Variants in EDEM2 observed in about 807,000 individuals in gnomAD.
The protein encoded by EDEM2 is ER degradation enhancing alpha-mannosidase like protein 2.
A neutral mutation model predicts 64.8 loss-of-function variants in EDEM2; 39 were observed. The observed-to-expected ratio is 0.60, with a 90% CI of 0.47 to 0.79. The LOEUF (loss-of-function observed/expected upper bound fraction) is 0.79. Ranked by LOEUF, EDEM2 falls within the 30% of genes least tolerant of loss-of-function variation. The pLI, the probability that EDEM2 is intolerant of heterozygous loss-of-function variation, is 0.00. For synonymous variants in EDEM2, 296 were observed against 291.5 expected (o/e 1.02, Z -0.16); for missense variants, 609 against 731.3 (o/e 0.83, Z 1.93).
At chr20:35,143,832 C>G (rs1039361811) in intron 3 of EDEM2, among the ~76,000 whole-genome samples, 3 of 152,170 alleles carry the variant, frequency 2.0e-5, no homozygotes, top group Non-Finnish European at 2.9e-5. Context: ...TGTTGGCCTC[C>G]CAAAGTGCTG....
In EDEM2 at chr20:35,118,722, G is replaced by A. The variant is rs1389933121; in HGVS notation, c.1115-3C>T. The A allele has an allele frequency of 1.2e-6, 2 of 1,611,892 alleles. No individual in the cohort carries two copies. The highest frequency in any genetic ancestry group is 4.5e-5 in the East Asian group (2 of 44,876). ...GTACATTGCGCTTTCAATAAGTTCT[G>A]CAAAGTCCAAAGCAGACCCTCCTCA... On this transcript the variant is annotated splice_polypyrimidine_tract_variant and splice_region_variant and intron_variant, in intron 9 of 10. Coordinates refer to ENST00000374492, the MANE Select transcript of EDEM2 (RefSeq NM_018217.3).
intron 2 of EDEM2, 52 bp downstream of exon 2, chr20:35,146,773 G>A (rs1452655797): frequency 5.0e-6 from 8 of 1,587,852 alleles, no homozygotes; most frequent in African/African-American, 4.0e-5. Context: ...CCCGCCCGCC[G>A]AGGCCCAGAG....
intron 4 of EDEM2, among the ~76,000 whole-genome samples, chr20:35,140,584 A>AC (rs777237963): frequency 6.6e-5 from 10 of 152,342 alleles, no homozygotes; most frequent in Middle Eastern, 3.4e-3. Flanking sequence ...AATAACTAAA[A>AC]TATATAACTG....
intron 7 of EDEM2, among the ~76,000 whole-genome samples, chr20:35,129,640 G>A (rs951626603): frequency 6.6e-6 from 1 of 151,898 alleles, no homozygotes; most frequent in Non-Finnish European, 1.5e-5. Flanking sequence ...TAGCCTAAGT[G>A]TACAGTATTT....
intron 3 of EDEM2, among the ~76,000 whole-genome samples, chr20:35,144,736 T>A (rs2085705145): frequency 6.6e-6 from 1 of 152,206 alleles, no homozygotes; most frequent in African/African-American, 2.4e-5. Context: ...TGCAAGCCTA[T>A]CACAATTCTC....
chr20:35,119,182 A>AT (rs926980315), intron 9 of EDEM2, among the ~76,000 whole-genome samples: 9 of 152,192 alleles, frequency 5.9e-5, no homozygotes, highest in Middle Eastern at 3.4e-3. Flanking sequence ...TTAAGCTACT[A>AT]TTTTTTTTCC....
chr20:35,138,112 A>C, intron 4 of EDEM2, 107 bp from the exon 5 acceptor site: 1 of 1,437,996 alleles, frequency 7.0e-7, no homozygotes, highest in Non-Finnish European at 9.4e-7. Flanking sequence ...TGTGGGGCGC[A>C]TGTTCTCAGG....
intron 7 of EDEM2, among the ~76,000 whole-genome samples, chr20:35,130,634 C>A (rs760227737): frequency 6.6e-6 from 1 of 152,110 alleles, no homozygotes. Flanking sequence ...GGACTACAGG[C>A]GTGAGCCACT....
Position 35,123,876 on chromosome 20 carries a change from G to C in EDEM2, c.1114+14C>G. The C allele has an allele frequency of 6.2e-7, 1 of 1,612,580 alleles. No homozygotes were observed. The highest frequency in any genetic ancestry group is 8.5e-7 in the Non-Finnish European group (1 of 1,179,226). ...GAGCCTGTGGGCAGATGACAAGCCA[G>C]AAATGCTGCTCACCTGGCCGAAGTG... On this transcript the variant is annotated intron_variant, in intron 9 of 10. Coordinates refer to ENST00000374492, the MANE Select transcript of EDEM2 (RefSeq NM_018217.3).
At chr20:35,124,849 C>CAA (rs1415107891) in intron 8 of EDEM2, among the ~76,000 whole-genome samples, 1 of 152,122 alleles carries the variant, frequency 6.6e-6, no homozygotes, top group Non-Finnish European at 1.5e-5. Context: ...TTGGTTCCAA[C>CAA]AACTAATGTG....
chr20:35,131,734 G>A lies in EDEM2; in HGVS notation c.752C>T (p.Ala251Val), dbSNP rs201265564. The change falls in exon 7 of 11, where the codon GCA (alanine) becomes GTA (valine). Residue 251 changes from alanine to valine, a missense_variant. By Grantham distance (64) the Ala-to-Val change is moderately conservative. Coordinates refer to ENST00000374492, the MANE Select transcript of EDEM2 (RefSeq NM_018217.3). ...VLTGKWVAQD[A>V]GIGAGVDSYF... is the part of the protein sequence containing the mutation. Reference sequence around the variant, plus strand: ...GGAGTCCACGCCAGCCCCGATGCCTGCGTCCTGGGCCACCCACTTGCCAGT... The same window carrying A: ...GGAGTCCACGCCAGCCCCGATGCCTACGTCCTGGGCCACCCACTTGCCAGT... The A allele has an allele frequency of 6.2e-7, 1 of 1,614,160 alleles. No homozygotes were observed. The highest frequency in any genetic ancestry group is 2.2e-5 in the East Asian group (1 of 44,878).
chr20:35,117,165 T>G (rs1030538790), intron 10 of EDEM2: 1 of 152,200 alleles, frequency 6.6e-6, no homozygotes, highest in Non-Finnish European at 1.5e-5. Flanking sequence ...CGACACTTAC[T>G]AGGTTCAACT....
chr20:35,146,208 A>ATG (rs1413086958), intron 2 of EDEM2, among the ~76,000 whole-genome samples: 2 of 152,088 alleles, frequency 1.3e-5, no homozygotes, highest in African/African-American at 4.8e-5. Flanking sequence ...TTACCACTTG[A>ATG]ATTTGCCATT....
At chr20:35,138,683 C>T (rs749343829) in intron 4 of EDEM2, among the ~76,000 whole-genome samples, 17 of 151,834 alleles carry the variant, frequency 1.1e-4, no homozygotes, top group Middle Eastern at 3.4e-3. Flanking sequence ...AGGTTCACGC[C>T]GTTCTCCTGC....
intron 10 of EDEM2, chr20:35,117,192 A>G (rs1171104924): frequency 1.3e-5 from 2 of 152,226 alleles, no homozygotes; most frequent in African/African-American, 4.8e-5. Context: ...GATGAAAACT[A>G]TTGACATTGT....
intron 9 of EDEM2, among the ~76,000 whole-genome samples, chr20:35,121,995 C>G (rs1197274291): frequency 6.6e-6 from 1 of 152,122 alleles, no homozygotes; most frequent in East Asian, 1.9e-4. Flanking sequence ...TGCTATGTTG[C>G]CCAGGCTGAT....
At chr20:35,133,335 C>G (rs1202306768) in intron 6 of EDEM2, among the ~76,000 whole-genome samples, 2 of 152,166 alleles carry the variant, frequency 1.3e-5, no homozygotes, top group East Asian at 3.9e-4. Context: ...GGAAGACTGG[C>G]CAGTGTGCAT....
chr20:35,146,690 G>C, intron 2 of EDEM2, 135 bp downstream of exon 2: 1 of 920,882 alleles, frequency 1.1e-6, no homozygotes, highest in Non-Finnish European at 1.6e-6. Flanking sequence ...GAATTGCGGG[G>C]AGCGCGGCTC....
intron 7 of EDEM2, among the ~76,000 whole-genome samples, chr20:35,129,232 C>T (rs2146098726): frequency 6.6e-6 from 1 of 152,226 alleles, no homozygotes; most frequent in South Asian, 2.1e-4. Flanking sequence ...CACAGTGAAA[C>T]CCCATCTCTA....
Sources: gnomAD v4.1 joint callset for allele counts (sites outside exome capture counted in the v4.1 genomes callset) on GRCh38, gnomAD v4.1.1 for gene constraint, MANE v1.5 for transcripts, NCBI Gene and HGNC (gene_info 2026-07-23, HGNC 2026-07-21) for gene names.